MPP7: variants seen among roughly 807,000 people sequenced by gnomAD.
MPP7 encodes MAGUK p55 subfamily member 7.
In MPP7, 60 loss-of-function variants were observed where a neutral mutation model predicts 76.5. The observed-to-expected ratio is 0.78, with a 90% CI of 0.64 to 0.97. The LOEUF (loss-of-function observed/expected upper bound fraction) is 0.97, where lower values mean the gene tolerates loss of function less well. MPP7 is among the 50% of genes least tolerant of loss of function. The probability of loss-of-function intolerance (pLI) is 0.00; values close to 1 mark genes in which losing one functional copy is unlikely to be tolerated. For missense variants in MPP7, 641 were observed against 694.0 expected, an observed-to-expected ratio of 0.92 and a Z score of 0.86; for synonymous variants, 237 against 244.5, an observed-to-expected ratio of 0.97 and a Z score of 0.29.
Position 28,069,638 on chromosome 10 carries a change from C to T in MPP7, c.1204+134G>A, listed in dbSNP as rs111575046. On this transcript the variant is annotated intron_variant, in intron 13 of 16. Transcript: ENST00000683449. ...AACAAACAAAAAAAAAACTCACATG[C>T]CCCATAAATACATATACCTACCATG... 1,186 of 501,648 alleles carry T rather than the reference C, an allele frequency of 2.4e-3. 16 individuals are homozygous for T. Among genetic ancestry groups the T allele is most frequent in the African/African-American group, 0.022 (1,085 of 50,046 alleles). The allele number at this position is 501,648 out of a possible 1,614,324, so 31.1% of individuals were successfully genotyped here.
At chr10:28,218,217 C>A (rs1469310909) in intron 2 of MPP7, among the ~76,000 whole-genome samples, 1 of 152,012 alleles carries the variant, frequency 6.6e-6, no homozygotes. Flanking sequence ...TAAATAAAAT[C>A]GGACGCTGGA....
intron 12 of MPP7, among the ~76,000 whole-genome samples, chr10:28,079,027 G>A (rs1852633409): frequency 6.6e-6 from 1 of 152,060 alleles, no homozygotes; most frequent in Admixed American, 6.6e-5. Flanking sequence ...CATAGAAGAA[G>A]GTAGACATAC....
chr10:28,100,771 G>A (rs1853785354), intron 11 of MPP7, among the ~76,000 whole-genome samples: 1 of 151,924 alleles, frequency 6.6e-6, no homozygotes, highest in Admixed American at 6.6e-5. Flanking sequence ...AACCACAAAA[G>A]TTAATAAAAG....
intron 1 of MPP7, among the ~76,000 whole-genome samples, chr10:28,269,448 A>G (rs911529674): frequency 6.6e-6 from 1 of 152,200 alleles, no homozygotes; most frequent in Non-Finnish European, 1.5e-5. Context: ...TCATCATTCT[A>G]AAGTAAATCT....
intron 1 of MPP7, among the ~76,000 whole-genome samples, chr10:28,246,893 T>C (rs761779407): frequency 5.3e-5 from 8 of 152,138 alleles, no homozygotes; most frequent in Admixed American, 2.0e-4. Context: ...TCCCAAGTTG[T>C]CTAATGTTTC....
intron 1 of MPP7, among the ~76,000 whole-genome samples, chr10:28,251,162 A>G (rs1415616161): frequency 6.6e-6 from 1 of 152,190 alleles, no homozygotes; most frequent in Non-Finnish European, 1.5e-5. Flanking sequence ...AAAGAACCAT[A>G]TAAGAATACA....
intron 1 of MPP7, among the ~76,000 whole-genome samples, chr10:28,248,346 A>G (rs553715182): frequency 1.3e-5 from 2 of 152,234 alleles, no homozygotes; most frequent in East Asian, 3.9e-4. Context: ...GCCACTTCCT[A>G]TTCATACACT....
chr10:28,124,404 TTA>T lies in MPP7; in HGVS notation c.530-290_530-289del, dbSNP rs568756455. Among the ~76,000 whole-genome samples the T allele has an allele frequency of 1.4e-4, 22 of 152,082 alleles. No homozygotes were observed. The East Asian group carries it at 4.2e-3, about 29-fold the overall frequency. On this transcript the variant is annotated intron_variant, in intron 7 of 16. Coordinates refer to ENST00000683449, the MANE Select transcript of MPP7 (RefSeq NM_001318170.2). ...AATATACTAATAAAATAATTTTTATTTATCTTAAAGGCTGCATGCTCTTAGCA... is the reference window on the plus strand; with the variant it reads ...AATATACTAATAAAATAATTTTTATTTCTTAAAGGCTGCATGCTCTTAGCA...
intron 12 of MPP7, among the ~76,000 whole-genome samples, chr10:28,075,570 C>T (rs1035084120): frequency 2.6e-5 from 4 of 152,142 alleles, no homozygotes; most frequent in Non-Finnish European, 4.4e-5. Context: ...TACGCTGCAG[C>T]GCCATGAAAT....
At chr10:28,186,497 G>A (rs1424242399) in intron 3 of MPP7, among the ~76,000 whole-genome samples, 1 of 152,196 alleles carries the variant, frequency 6.6e-6, no homozygotes, top group African/African-American at 2.4e-5. Context: ...CAAGAACTGT[G>A]ACGTTTTAAA....
chr10:28,333,808 C>G (rs1180675200), intron 1 of MPP7, among the ~76,000 whole-genome samples: 1 of 152,134 alleles, frequency 6.6e-6, no homozygotes, highest in Non-Finnish European at 1.5e-5. Flanking sequence ...AAAGGAAAAG[C>G]AGAGGTTTCC....
At chr10:28,182,644 A>T (rs1357525503) in intron 3 of MPP7, among the ~76,000 whole-genome samples, 8 of 152,264 alleles carry the variant, frequency 5.3e-5, no homozygotes, top group African/African-American at 1.9e-4. Flanking sequence ...GCCAACTTTC[A>T]ATACAAATAT....
intron 11 of MPP7, chr10:28,118,647 G>C: frequency 1.0e-6 from 1 of 985,348 alleles, no homozygotes; most frequent in Non-Finnish European, 1.2e-6. Flanking sequence ...AGCATTCTGT[G>C]ACAAGGGTTT....
At chr10:28,073,866 T>C (rs893304217) in intron 12 of MPP7, among the ~76,000 whole-genome samples, 3 of 152,114 alleles carry the variant, frequency 2.0e-5, no homozygotes, top group Non-Finnish European at 4.4e-5. Flanking sequence ...TACTTGAAGC[T>C]GAGAGGAATT....
At position 28,202,186 on chromosome 10, in the gene MPP7, C is replaced by T. The variant is rs1291144067; in HGVS notation, c.123G>A (p.Met41Ile). ...SQEDLTFLWD[M>I]FGEKSLHSLV... ...ATGAATGCAGGCTTTTTTCACCAAA[C>T]ATATCCCAGAGGAAGGTCAGGTCTT... is the stretch of plus-strand genomic sequence containing the variant. Residue 41 changes from methionine (M) to isoleucine (I), a missense_variant, in exon 3 of 17, where the codon ATG becomes ATA. Coordinates refer to ENST00000683449, the MANE Select transcript of MPP7 (RefSeq NM_001318170.2). 1.9e-6 allele frequency: 3 copies of T among 1,613,678 alleles called. No homozygotes were observed. The highest frequency in any genetic ancestry group is 4.5e-5 in the East Asian group (2 of 44,852).
At chr10:28,181,552 C>T (rs1449238217) in intron 3 of MPP7, among the ~76,000 whole-genome samples, 1 of 85,288 alleles carries the variant, frequency 1.2e-5, no homozygotes, top group Non-Finnish European at 3.3e-5. Flanking sequence ...TTATCGTGCC[C>T]CACGATGGGC....
chr10:28,238,104 T>C (rs184161648), intron 2 of MPP7, among the ~76,000 whole-genome samples: 237 of 152,250 alleles, frequency 1.6e-3, no homozygotes, highest in African/African-American at 5.2e-3. Flanking sequence ...AATTTCAGGA[T>C]AGTTTTACCT....
intron 1 of MPP7, among the ~76,000 whole-genome samples, chr10:28,273,537 C>T (rs1396821509): frequency 6.6e-6 from 1 of 152,206 alleles, no homozygotes; most frequent in Non-Finnish European, 1.5e-5. Context: ...CCTCAATGAA[C>T]TGAGAACATT....
At chr10:28,224,837 T>A (rs1344884192) in intron 2 of MPP7, among the ~76,000 whole-genome samples, 3 of 152,078 alleles carry the variant, frequency 2.0e-5, no homozygotes, top group African/African-American at 4.8e-5. Flanking sequence ...AACATGACCA[T>A]AAGAATTAGA....
Sources: allele counts gnomAD v4.1 joint callset (sites outside exome capture counted in the v4.1 genomes callset), GRCh38; gene constraint gnomAD v4.1.1; transcripts MANE v1.5; gene names NCBI Gene and HGNC (gene_info 2026-07-23, HGNC 2026-07-21).